Variants in SETBP1 observed in about 807,000 individuals in gnomAD.
SETBP1 encodes the protein SET binding protein 1.
Under a neutral mutation model 101.0 loss-of-function variants are expected in SETBP1, and 9 were observed. The observed-to-expected ratio is 0.09, with a 90% CI of 0.05 to 0.16. The LOEUF is 0.16. SETBP1 is among the 10% of genes least tolerant of loss of function. The probability of loss-of-function intolerance (pLI) is 1.00; values close to 1 mark genes in which losing one functional copy is unlikely to be tolerated. For missense variants in SETBP1, 1,858 were observed against 2,033.8 expected, an observed-to-expected ratio of 0.91 and a Z score of 1.66; for synonymous variants, 818 against 788.5, an observed-to-expected ratio of 1.04 and a Z score of -0.63.
chr18:44,727,219 T>TGTGTG (rs1555673193), intron 2 of SETBP1, among the ~76,000 whole-genome samples: 5 of 151,300 alleles, frequency 3.3e-5, no homozygotes, highest in Admixed American at 6.6e-5. Context: ...TGTGTGTGTG[T>TGTGTG]TGATACCCAA....
chr18:44,881,337 G>T (rs1323561389), intron 3 of SETBP1, among the ~76,000 whole-genome samples: 1 of 152,172 alleles, frequency 6.6e-6, no homozygotes, highest in East Asian at 1.9e-4. Context: ...ATGACCTAAG[G>T]CAGGGGTGGG....
chr18:44,717,928 G>T (rs2069503173), intron 2 of SETBP1, among the ~76,000 whole-genome samples: 1 of 152,144 alleles, frequency 6.6e-6, no homozygotes, highest in Non-Finnish European at 1.5e-5. Context: ...GTGTGTGTGT[G>T]TGTGCTTGTG....
At chr18:44,995,473 T>C (rs954527244) in intron 4 of SETBP1, among the ~76,000 whole-genome samples, 59 of 152,032 alleles carry the variant, frequency 3.9e-4, no homozygotes, top group African/African-American at 1.3e-3. Context: ...ATTTTAAATG[T>C]GAATATGCAG....
At chr18:44,741,995 C>T (rs149502858) in intron 2 of SETBP1, among the ~76,000 whole-genome samples, 16 of 152,312 alleles carry the variant, frequency 1.1e-4, no homozygotes, top group East Asian at 5.8e-4. Flanking sequence ...GGGTGCAGCA[C>T]GCACAGATGT....
chr18:44,685,836 A>G (rs2068829653), intron 1 of SETBP1, among the ~76,000 whole-genome samples: 1 of 152,206 alleles, frequency 6.6e-6, no homozygotes, highest in Non-Finnish European at 1.5e-5. Context: ...ACCGATGTCC[A>G]TATAACTGTA....
At chr18:45,001,761 G>A (rs920000195) in intron 4 of SETBP1, among the ~76,000 whole-genome samples, 2 of 152,086 alleles carry the variant, frequency 1.3e-5, no homozygotes, top group African/African-American at 2.4e-5. Context: ...ATACCAAGAT[G>A]CCACAACCAG....
At chr18:44,730,815 C>A (rs1489050980) in intron 2 of SETBP1, among the ~76,000 whole-genome samples, 1 of 152,174 alleles carries the variant, frequency 6.6e-6, no homozygotes, top group East Asian at 1.9e-4. Flanking sequence ...ATAGACGAGA[C>A]ACAAGATGTT....
Position 44,995,135 on chromosome 18 carries a change from CT to C in SETBP1, c.4000+41819del, listed in dbSNP as rs58617770. Among the ~76,000 whole-genome samples, 632 of 95,010 alleles carry C rather than the reference CT, an allele frequency of 6.7e-3. 4 individuals carry two copies. Among genetic ancestry groups the C allele is most frequent in the African/African-American group, 0.017 (401 of 23,700 alleles). The allele number at this position is 95,010 out of a possible 152,430, so 62.3% of individuals were successfully genotyped here. On this transcript the variant is annotated intron_variant, in intron 4 of 5. Transcript: ENST00000649279. ...AGTAGACAACTGACCATGTTATTTA[CT>C]TTTTTTTTTTTTTTTTTTTTTTTGA...
intron 2 of SETBP1, among the ~76,000 whole-genome samples, chr18:44,710,845 T>G (rs1387648942): frequency 1.3e-5 from 2 of 152,194 alleles, no homozygotes; most frequent in African/African-American, 2.4e-5. Flanking sequence ...AGCATGGTCC[T>G]CAGAGTGACT....
chr18:44,717,343 G>A (rs552496952), intron 2 of SETBP1, among the ~76,000 whole-genome samples: 4 of 152,334 alleles, frequency 2.6e-5, no homozygotes, highest in South Asian at 2.1e-4. Context: ...CAGTTGGGTC[G>A]AATCTTGAGA....
chr18:44,716,134 T>A (rs186787366), intron 2 of SETBP1, among the ~76,000 whole-genome samples: 1 of 152,242 alleles, frequency 6.6e-6, no homozygotes, highest in African/African-American at 2.4e-5. Flanking sequence ...AGGGCTGGTG[T>A]CTGCTGGGTT....
chr18:45,032,452 G>A (rs1599473053), intron 4 of SETBP1, among the ~76,000 whole-genome samples: 1 of 152,152 alleles, frequency 6.6e-6, no homozygotes, highest in African/African-American at 2.4e-5. Flanking sequence ...TTCTGCCCAA[G>A]AGTAACCTTC....
chr18:44,885,948 A>G (rs551763296), intron 3 of SETBP1, among the ~76,000 whole-genome samples: 1 of 151,226 alleles, frequency 6.6e-6, no homozygotes, highest in Non-Finnish European at 1.5e-5. Context: ...TATTCAATGC[A>G]GTTTATTTTC....
chr18:44,760,969 A>G (rs2070627080), intron 2 of SETBP1, among the ~76,000 whole-genome samples: 1 of 152,172 alleles, frequency 6.6e-6, no homozygotes, highest in Admixed American at 6.6e-5. Flanking sequence ...GTTGCCCATA[A>G]TGTCTTTCAT....
intron 4 of SETBP1, among the ~76,000 whole-genome samples, chr18:45,018,703 G>A (rs2072998243): frequency 6.6e-6 from 1 of 152,116 alleles, no homozygotes. Context: ...TACAGACAGG[G>A]GATCTAAGGC....
chr18:44,731,531 G>C (rs2069837286), intron 2 of SETBP1, among the ~76,000 whole-genome samples: 1 of 152,034 alleles, frequency 6.6e-6, no homozygotes, highest in African/African-American at 2.4e-5. Context: ...GTTTTGATTT[G>C]TGAATAAAAA....
chr18:44,937,113 T>C (rs532710913), intron 3 of SETBP1, among the ~76,000 whole-genome samples: 1 of 152,324 alleles, frequency 6.6e-6, no homozygotes, highest in East Asian at 1.9e-4. Flanking sequence ...CTGTGTTAAA[T>C]ACTTGACAGT....
chr18:44,936,844 G>A lies in SETBP1; in HGVS notation c.541-13037G>A, dbSNP rs117493576. On this transcript the variant is annotated intron_variant, in intron 3 of 5. Coordinates refer to ENST00000649279, the MANE Select transcript of SETBP1 (RefSeq NM_015559.3). The stretch of plus-strand genomic sequence containing the variant: ...CTGCATATTGTCAGGTAGCCCCGAG[G>A]GAAGCTGTACAGGAAGATCTCAAGC... Among the ~76,000 whole-genome samples, 107 of 152,246 alleles carry A rather than the reference G, an allele frequency of 7.0e-4. 3 individuals are homozygous for A. In the East Asian group the frequency reaches 0.014, roughly 20 times the overall value.
At chr18:45,054,475 C>T (rs1180019615) in intron 5 of SETBP1, among the ~76,000 whole-genome samples, 1 of 152,158 alleles carries the variant, frequency 6.6e-6, no homozygotes, top group Non-Finnish European at 1.5e-5. Context: ...CGTGAGCCAC[C>T]GTGCCCAGCT....
Sources: gnomAD v4.1 joint callset for allele counts (sites outside exome capture counted in the v4.1 genomes callset) on GRCh38, gnomAD v4.1.1 for gene constraint, MANE v1.5 for transcripts, NCBI Gene and HGNC (gene_info 2026-07-23, HGNC 2026-07-21) for gene names.